Variants in CHSY3 observed in about 807,000 individuals in gnomAD.
The protein encoded by CHSY3 is N-acetylgalactosaminyl-proteoglycan 3-beta-glucuronosyltransferase 3.
CHSY3 carries 35 observed loss-of-function variants against 67.2 expected under a neutral mutation model. The ratio of observed to expected loss-of-function variants is 0.52; its 90% CI spans 0.40 to 0.69. CHSY3 has a LOEUF of 0.69. Among genes scored for constraint, CHSY3 ranks in the 30% least tolerant of loss-of-function variants. The pLI is 0.00. For synonymous variants in CHSY3, 474 were observed against 434.7 expected (o/e 1.09, Z -1.12); for missense variants, 1,069 against 1,138.5 (o/e 0.94, Z 0.88).
chr5:130,088,367 T>TGGGATC (rs1766743705), intron 2 of CHSY3, among the ~76,000 whole-genome samples: 17 of 142,280 alleles, frequency 1.2e-4, no homozygotes, highest in African/African-American at 3.4e-4. Flanking sequence ...AATTGACAAA[T>TGGGATC]TAAACTAAAG....
At chr5:130,169,769 G>A (rs1769849146) in intron 2 of CHSY3, among the ~76,000 whole-genome samples, 1 of 151,482 alleles carries the variant, frequency 6.6e-6, no homozygotes, top group Non-Finnish European at 1.5e-5. Context: ...AATCTACTTG[G>A]TATTTGAAAG....
At chr5:130,006,779 T>A (rs1179745931) in intron 2 of CHSY3, among the ~76,000 whole-genome samples, 1 of 152,194 alleles carries the variant, frequency 6.6e-6, no homozygotes, top group African/African-American at 2.4e-5. Flanking sequence ...AGGAAGGGGA[T>A]ATATTTTCAG....
At chr5:130,022,679 G>A (rs1316368054) in intron 2 of CHSY3, among the ~76,000 whole-genome samples, 1 of 151,832 alleles carries the variant, frequency 6.6e-6, no homozygotes, top group Non-Finnish European at 1.5e-5. Context: ...ATCATTTAAT[G>A]ATTTTACATT....
At chr5:130,094,996 G>A (rs1349531336) in intron 2 of CHSY3, among the ~76,000 whole-genome samples, 1 of 152,048 alleles carries the variant, frequency 6.6e-6, no homozygotes, top group Non-Finnish European at 1.5e-5. Context: ...AAAAGAAAGG[G>A]GAATGCTAGA....
chr5:129,967,146 T>C (rs1347565713), intron 2 of CHSY3, among the ~76,000 whole-genome samples: 1 of 151,814 alleles, frequency 6.6e-6, no homozygotes, highest in Non-Finnish European at 1.5e-5. Flanking sequence ...ATAAAAATCA[T>C]GTACCTATCT....
At position 129,904,829 on chromosome 5, in the gene CHSY3, G is replaced by T. The variant is rs958591713; in HGVS notation, c.-1G>T. On this transcript the variant is annotated 5_prime_UTR_variant, in exon 1 of 3. Coordinates refer to ENST00000305031, the MANE Select transcript of CHSY3 (RefSeq NM_175856.5). ...GAGCGTCCGCGCCCGGGACAGCCGCGATGGCTGTGCGCTCTCGCCGCCCGT... is the reference window on the plus strand; with the variant it reads ...GAGCGTCCGCGCCCGGGACAGCCGCTATGGCTGTGCGCTCTCGCCGCCCGT... 4.9e-6 allele frequency: 7 copies of T among 1,419,164 alleles called. No individual in the cohort carries two copies. The highest frequency in any genetic ancestry group is 2.9e-5 in the South Asian group (2 of 68,410). The allele number at this position is 1,419,164 out of a possible 1,614,324, so 87.9% of individuals were successfully genotyped here.
chr5:129,942,967 C>T (rs980482713), intron 2 of CHSY3, among the ~76,000 whole-genome samples: 1 of 152,028 alleles, frequency 6.6e-6, no homozygotes, highest in African/African-American at 2.4e-5. Flanking sequence ...CATTTGCATT[C>T]GTATGGGTCT....
chr5:130,172,325 CTTTTTTTTTTTTTT>C (rs1169640152), intron 2 of CHSY3, among the ~76,000 whole-genome samples: 1 of 30,206 alleles, frequency 3.3e-5, no homozygotes, highest in African/African-American at 5.6e-5. Flanking sequence ...CTTTTCTTTT[CTTTTTTTTTTTTTT>C]GAGACAGTTG....
At chr5:130,146,326 GTGT>G (rs1273854072) in intron 2 of CHSY3, among the ~76,000 whole-genome samples, 1 of 152,062 alleles carries the variant, frequency 6.6e-6, no homozygotes, top group Non-Finnish European at 1.5e-5. Context: ...GGAGGATATT[GTGT>G]TAAGTGAAAT....
intron 2 of CHSY3, among the ~76,000 whole-genome samples, chr5:130,076,218 CTTGTCCATGAACT>C (rs1766245339): frequency 6.6e-6 from 1 of 152,014 alleles, no homozygotes; most frequent in Non-Finnish European, 1.5e-5. Flanking sequence ...AAGATGCAGC[CTTGTCCATGAACT>C]TTGTCTGTCC....
At position 129,973,573 on chromosome 5, in the gene CHSY3, G is replaced by A. The variant is rs145311443; in HGVS notation, c.1086+65213G>A. Among the ~76,000 whole-genome samples the A allele has an allele frequency of 4.6e-3, 703 of 151,830 alleles. 1 individual carries two copies. The highest frequency in any genetic ancestry group is 0.016 in the African/African-American group (664 of 41,410). ...TATACATATTTTCTCTCCCTAATAC[G>A]CCCCACTGTTAAGTATGATTTGTTA... On this transcript the variant is annotated intron_variant, in intron 2 of 2. Coordinates refer to ENST00000305031, the MANE Select transcript of CHSY3 (RefSeq NM_175856.5).
At chr5:129,967,632 C>T (rs1253546585) in intron 2 of CHSY3, among the ~76,000 whole-genome samples, 1 of 151,792 alleles carries the variant, frequency 6.6e-6, no homozygotes, top group African/African-American at 2.4e-5. Context: ...CAGTACAGAC[C>T]TTTAAGCCTT....
rs530730724 is a variant in CHSY3 at position 130,073,677 on chromosome 5, C to A, written c.1087-110552C>A. Among the ~76,000 whole-genome samples the A allele has an allele frequency of 3.7e-4, 56 of 151,998 alleles. 1 individual carries two copies. In the South Asian group the frequency reaches 7.9e-3, roughly 21 times the overall value. On this transcript the variant is annotated intron_variant, in intron 2 of 2. Transcript: ENST00000305031. ...CTGGGATTACAGGCATGAGCCCCTG[C>A]ACCTAGCCAAAAATAAATTTTCAAA...
chr5:130,156,760 C>G (rs1026998384), intron 2 of CHSY3, among the ~76,000 whole-genome samples: 37 of 152,202 alleles, frequency 2.4e-4, no homozygotes, highest in African/African-American at 8.9e-4. Flanking sequence ...AAGCAAGCTA[C>G]ATCTTACAGA....
intron 2 of CHSY3, among the ~76,000 whole-genome samples, chr5:130,113,452 C>T (rs1359740073): frequency 6.6e-6 from 1 of 152,094 alleles, no homozygotes; most frequent in Non-Finnish European, 1.5e-5. Context: ...AACTCAGAAA[C>T]AAAGCTATTA....
chr5:129,983,133 T>C, intron 2 of CHSY3, among the ~76,000 whole-genome samples: 1 of 152,232 alleles, frequency 6.6e-6, no homozygotes, highest in African/African-American at 2.4e-5. Flanking sequence ...TATCTACTGT[T>C]AAAAAATTAT....
intron 2 of CHSY3, among the ~76,000 whole-genome samples, chr5:130,128,253 T>TGTGCGCGCGC (rs760472284): frequency 9.3e-5 from 14 of 150,910 alleles, no homozygotes; most frequent in African/African-American, 3.4e-4. Context: ...TGTGTGTGTG[T>TGTGCGCGCGC]GCGCTCACAT....
chr5:130,038,801 A>G (rs1268524995), intron 2 of CHSY3, among the ~76,000 whole-genome samples: 2 of 152,116 alleles, frequency 1.3e-5, no homozygotes, highest in Non-Finnish European at 2.9e-5. Flanking sequence ...ATTGTTATTA[A>G]GGGTGAGTGC....
At chr5:130,073,490 G>A (rs1330959639) in intron 2 of CHSY3, among the ~76,000 whole-genome samples, 2 of 151,944 alleles carry the variant, frequency 1.3e-5, no homozygotes, top group Non-Finnish European at 2.9e-5. Context: ...GTTTCACCAT[G>A]TTGGCCAGGC....
Sources: gnomAD v4.1 joint callset for allele counts (sites outside exome capture counted in the v4.1 genomes callset) on GRCh38, gnomAD v4.1.1 for gene constraint, MANE v1.5 for transcripts, NCBI Gene and HGNC (gene_info 2026-07-23, HGNC 2026-07-21) for gene names.